RAB28: variants seen among roughly 807,000 people sequenced by gnomAD.
The protein encoded by RAB28 is ras-related protein Rab-28.
RAB28 carries 24 observed loss-of-function variants against 31.7 expected under a neutral mutation model. The observed-to-expected ratio is 0.76, with a 90% CI of 0.55 to 1.06. The LOEUF (loss-of-function observed/expected upper bound fraction) is 1.06, where lower values mean the gene tolerates loss of function less well. RAB28 is among the 50% of genes least tolerant of loss of function. The probability of loss-of-function intolerance (pLI) is 0.00; values close to 1 mark genes in which losing one functional copy is unlikely to be tolerated. For missense variants in RAB28, 254 were observed against 258.5 expected (o/e 0.98, Z 0.12); for synonymous variants, 100 against 90.4 (o/e 1.11, Z -0.60).
At chr4:13,455,648 T>C (rs1715261428) in intron 4 of RAB28, among the ~76,000 whole-genome samples, 1 of 152,210 alleles carries the variant, frequency 6.6e-6, no homozygotes, top group Non-Finnish European at 1.5e-5. Flanking sequence ...ATGCACATCT[T>C]GTGCTAGTAA....
At chr4:13,440,503 C>T (rs1399937844) in intron 4 of RAB28, among the ~76,000 whole-genome samples, 1 of 151,766 alleles carries the variant, frequency 6.6e-6, no homozygotes, top group Non-Finnish European at 1.5e-5. Flanking sequence ...ATATATAAAA[C>T]CTGTCTAAAA....
At chr4:13,428,890 A>G (rs1021645699) in intron 4 of RAB28, among the ~76,000 whole-genome samples, 1 of 151,982 alleles carries the variant, frequency 6.6e-6, no homozygotes, top group Non-Finnish European at 1.5e-5. Context: ...ATAAATGATC[A>G]TCTAAATAAA....
intron 4 of RAB28, among the ~76,000 whole-genome samples, chr4:13,390,354 T>C (rs1301008963): frequency 6.6e-6 from 1 of 152,098 alleles, no homozygotes; most frequent in Non-Finnish European, 1.5e-5. Context: ...TTACAAGGGA[T>C]GTGAAGGACC....
chr4:13,380,667 CA>C (rs1729091128), intron 5 of RAB28, among the ~76,000 whole-genome samples: 1 of 152,020 alleles, frequency 6.6e-6, no homozygotes, highest in Non-Finnish European at 1.5e-5. Flanking sequence ...GGCAATCATA[CA>C]ATGCTGGTGA....
Position 13,368,352 on chromosome 4 carries a change from T to A in RAB28, c.*206A>T. ...AGGGAATGGGTTTTCCATTTTGAAT[T>A]CAAAGTGTGTGGTCCCAAAGTTGAA... On this transcript the variant is annotated 3_prime_UTR_variant, in exon 7 of 7. Transcript: ENST00000330852. The A allele has an allele frequency of 4.1e-6, 5 of 1,210,536 alleles. No homozygotes were observed. The highest frequency in any genetic ancestry group is 5.1e-6 in the Non-Finnish European group (5 of 973,744). 75.0% of individuals were successfully genotyped at this position (1,210,536 alleles called of 1,614,324 possible).
intron 4 of RAB28, among the ~76,000 whole-genome samples, chr4:13,383,692 T>A (rs1729234253): frequency 6.6e-6 from 1 of 152,112 alleles, no homozygotes; most frequent in Non-Finnish European, 1.5e-5. Context: ...GGAGACGGCT[T>A]TTCCTGTGCT....
chr4:13,394,595 G>GCT (rs1258478322), intron 4 of RAB28, among the ~76,000 whole-genome samples: 1 of 152,040 alleles, frequency 6.6e-6, no homozygotes, highest in African/African-American at 2.4e-5. Flanking sequence ...AGAGGTAGTT[G>GCT]GACGAAAAAA....
chr4:13,459,737 A>AT (rs1206309433), intron 4 of RAB28: 1 of 1,045,174 alleles, frequency 9.6e-7, no homozygotes, highest in Non-Finnish European at 1.2e-6. Context: ...GAGGAAGTTT[A>AT]TAAGAGACAG....
At chr4:13,441,129 G>T (rs1171925034) in intron 4 of RAB28, among the ~76,000 whole-genome samples, 2 of 152,176 alleles carry the variant, frequency 1.3e-5, no homozygotes, top group African/African-American at 4.8e-5. Context: ...TGTTGTGGAA[G>T]TAAGATGAAC....
chr4:13,405,229 A>G (rs1350877933), intron 4 of RAB28, among the ~76,000 whole-genome samples: 1 of 152,160 alleles, frequency 6.6e-6, no homozygotes, highest in Non-Finnish European at 1.5e-5. Context: ...ACTGGGGTAT[A>G]TTACTAAATG....
chr4:13,417,128 T>C (rs1197055436), intron 4 of RAB28, among the ~76,000 whole-genome samples: 1 of 152,164 alleles, frequency 6.6e-6, no homozygotes, highest in Non-Finnish European at 1.5e-5. Flanking sequence ...AGAGCCTTGC[T>C]CACTAGCAGT....
chr4:13,407,000 T>G (rs1712132953), intron 4 of RAB28, among the ~76,000 whole-genome samples: 3 of 152,242 alleles, frequency 2.0e-5, no homozygotes, highest in Non-Finnish European at 2.9e-5. Context: ...CTCTTTAGTT[T>G]AATTAGATCA....
intron 6 of RAB28, among the ~76,000 whole-genome samples, chr4:13,373,583 TTAA>T: frequency 6.6e-6 from 1 of 152,290 alleles, no homozygotes; most frequent in East Asian, 1.9e-4. Context: ...GGTTACTGTG[TTAA>T]TAAACTGCAT....
Position 13,369,918 on chromosome 4 carries a change from T to C in RAB28, c.574-1268A>G, listed in dbSNP as rs376957519. On this transcript the variant is annotated intron_variant, in intron 6 of 6. Transcript: ENST00000330852. ...TTCTACTCTGAGTAGAGGTGGTATG[T>C]TGATTTTCTTCTTCCGGGTACTTCA... 1.2e-6 allele frequency: 2 copies of C among 1,612,542 alleles called. No homozygotes were observed. The highest frequency in any genetic ancestry group is 2.7e-5 in the African/African-American group (2 of 74,816).
At chr4:13,428,308 G>T (rs993679144) in intron 4 of RAB28, among the ~76,000 whole-genome samples, 26 of 152,032 alleles carry the variant, frequency 1.7e-4, no homozygotes, top group African/African-American at 5.6e-4. Context: ...CCCTAACAAA[G>T]CATGAAAACA....
intron 6 of RAB28, chr4:13,370,091 T>A (rs752169821): frequency 2.2e-5 from 31 of 1,426,116 alleles, no homozygotes; most frequent in Non-Finnish European, 2.8e-5. Context: ...AAAATTAACA[T>A]ATAAATGTAA....
intron 4 of RAB28, among the ~76,000 whole-genome samples, chr4:13,417,568 C>T (rs1186550389): frequency 6.6e-6 from 1 of 152,216 alleles, no homozygotes; most frequent in African/African-American, 2.4e-5. Flanking sequence ...GCAATATTTG[C>T]TGTTCTGCAG....
intron 4 of RAB28, among the ~76,000 whole-genome samples, chr4:13,454,137 A>C (rs1234934827): frequency 6.6e-6 from 1 of 152,028 alleles, no homozygotes; most frequent in African/African-American, 2.4e-5. Context: ...AGCTCCTGAT[A>C]GTATTTTTTA....
At chr4:13,416,533 T>G (rs535815678) in intron 4 of RAB28, among the ~76,000 whole-genome samples, 1 of 152,100 alleles carries the variant, frequency 6.6e-6, no homozygotes, top group Non-Finnish European at 1.5e-5. Flanking sequence ...TCTAAGAGAA[T>G]AGAAATACAG....
Sources: gnomAD v4.1 joint callset for allele counts (sites outside exome capture counted in the v4.1 genomes callset) on GRCh38, gnomAD v4.1.1 for gene constraint, MANE v1.5 for transcripts, NCBI Gene and HGNC (gene_info 2026-07-23, HGNC 2026-07-21) for gene names.